The following EEF1B2 variants were observed in gnomAD, a reference collection of about 807,000 sequenced individuals.
The protein encoded by EEF1B2 is eukaryotic translation elongation factor 1 beta 2, also known as elongation factor 1-beta.
In EEF1B2, 12 loss-of-function variants were observed where a neutral mutation model predicts 28.3. The observed-to-expected ratio is 0.42, with a 90% CI of 0.27 to 0.69. The LOEUF (loss-of-function observed/expected upper bound fraction) is 0.69, where lower values mean the gene tolerates loss of function less well. Among genes scored for constraint, EEF1B2 ranks in the 30% least tolerant of loss-of-function variants. The probability of loss-of-function intolerance (pLI) is 0.22; values close to 1 mark genes in which losing one functional copy is unlikely to be tolerated. For missense variants in EEF1B2, 234 were observed against 272.6 expected, an observed-to-expected ratio of 0.86 and a Z score of 1.00; for synonymous variants, 83 against 99.9, an observed-to-expected ratio of 0.83 and a Z score of 1.01.
At chr2:206,161,992 A>G (rs1576016555) in intron 3 of EEF1B2, 46 bp from the exon 4 acceptor site, 1 of 1,551,754 alleles carries the variant, frequency 6.4e-7, no homozygotes, top group Non-Finnish European at 8.9e-7. Context: ...CTTTAAGCAG[A>G]GGAACAACCA....
At chr2:206,162,297 G>A in intron 4 of EEF1B2, 192 bp from the exon 5 acceptor site, 1 of 1,139,796 alleles carries the variant, frequency 8.8e-7, no homozygotes, top group Non-Finnish European at 1.3e-6. Context: ...GAAAGAAACT[G>A]TTAACACAAA....
intron 4 of EEF1B2, 36 bp downstream of exon 4, chr2:206,162,140 T>C (rs765247674): frequency 1.1e-4 from 173 of 1,584,610 alleles, no homozygotes; most frequent in Non-Finnish European, 1.4e-4. Flanking sequence ...TTCATGTTAA[T>C]GTAAGTAATC....
intron 2 of EEF1B2, 164 bp from the exon 3 acceptor site, chr2:206,161,182 G>A: frequency 1.2e-6 from 1 of 835,840 alleles, no homozygotes; most frequent in South Asian, 1.7e-5. Context: ...TGTCGGGTGA[G>A]GAGTTGAACA....
rs772744674 is a variant in EEF1B2, at chr2:206,162,104, A to G, written c.397A>G (p.Lys133Glu). 6.2e-7 allele frequency: 1 copy of G among 1,613,696 alleles called. No individual in the cohort carries two copies. ...LAQYESKKAK[K>E]PALVAKSSIL... ...ACAATATGAATCAAAGAAAGCCAAA[A>G]GTAGGTCATTTGTTTTTAACTTCAT... Residue 133 changes from lysine (K) to glutamate (E), a missense_variant and splice_region_variant, in exon 4 of 6, where the codon AAA (lysine) becomes GAA (glutamate). Lys to Glu is a moderately conservative substitution (Grantham distance 56, BLOSUM62 1). Around this residue, in one of 2 missense-constraint regions of EEF1B2, gnomAD observed 178 missense variants for 173.3 expected, o/e 1.03. Transcript: ENST00000392222.
chr2:206,159,870 A>C (rs1275530010), upstream of EEF1B2: 3 of 1,292,556 alleles, frequency 2.3e-6, no homozygotes, highest in Non-Finnish European at 3.2e-6. Context: ...GTCTCTATAT[A>C]AGGAATTTTC....
chr2:206,160,543 T>C (rs1188697080), intron 1 of EEF1B2, 45 bp from the exon 2 acceptor site: 16 of 1,613,312 alleles, frequency 9.9e-6, no homozygotes, highest in Non-Finnish European at 1.3e-5. Flanking sequence ...TTCGCTGGCG[T>C]TTGTTTTTCA....
In EEF1B2 at chr2:206,160,141, C is replaced by T. The variant is rs1320878365; in HGVS notation, c.80+82C>T. On this transcript the variant is annotated intron_variant, in intron 1 of 5. Transcript: ENST00000392222. Reference sequence around the variant, plus strand: ...CCACGTGGCGCAGCGTGTCGGCTGCCGCGGGAGGGAGGGAGGCCGGGCCCG... The same window carrying T: ...CCACGTGGCGCAGCGTGTCGGCTGCTGCGGGAGGGAGGGAGGCCGGGCCCG... 7 of 1,505,842 alleles carry T rather than the reference C, an allele frequency of 4.6e-6. No individual in the cohort carries two copies. In the South Asian group the frequency reaches 6.0e-5, roughly 13 times the overall value. 93.3% of individuals were successfully genotyped at this position (1,505,842 alleles called of 1,614,324 possible). A position where few individuals can be genotyped will look rare whatever the true frequency, so the allele number is the denominator to read the frequency against.
chr2:206,162,041 AGT>A lies in EEF1B2; in HGVS notation c.336_337del (p.Ser112ArgfsTer15). ...DLFGSDDEEE[S>X]EEAKRLREER... Reference sequence around the variant, plus strand: ...GATTAATTTTTTTTCTTTACAGGAAAGTGAAGAAGCAAAGAGGCTAAGGGAAG... The same window carrying A: ...GATTAATTTTTTTTCTTTACAGGAAAGAAGAAGCAAAGAGGCTAAGGGAAG... On this transcript the variant is annotated frameshift_variant, in exon 4 of 6. Coordinates refer to ENST00000392222, the MANE Select transcript of EEF1B2 (RefSeq NM_001959.4). LOFTEE classifies it high-confidence loss of function. The A allele has an allele frequency of 6.2e-7, 1 of 1,613,970 alleles. No homozygotes were observed. Among genetic ancestry groups the A allele is most frequent in the Non-Finnish European group, 8.5e-7 (1 of 1,179,852 alleles).
intron 1 of EEF1B2, 108 bp downstream of exon 1, chr2:206,160,167 G>C: frequency 7.3e-7 from 1 of 1,374,570 alleles, no homozygotes; most frequent in Non-Finnish European, 9.8e-7. Context: ...GCCGGGCCCG[G>C]GGCCCTTTCG....
upstream of EEF1B2, chr2:206,159,873 G>A: frequency 1.5e-6 from 2 of 1,330,640 alleles, no homozygotes; most frequent in East Asian, 2.4e-5. Context: ...TCTATATAAG[G>A]AATTTTCCGG....
chr2:206,159,666 A>G (rs1687838827), upstream of EEF1B2: 2 of 251,986 alleles, frequency 7.9e-6, no homozygotes, highest in African/African-American at 4.5e-5. Context: ...GGTTCCCGTC[A>G]TCTTCGGGAG....
At position 206,162,024 on chromosome 2, in the gene EEF1B2, T is replaced by A; in HGVS notation, c.331-14T>A. ...ACCAGCTTTCTGAAGTGGATTAATT[T>A]TTTTTCTTTACAGGAAAGTGAAGAA... On this transcript the variant is annotated splice_polypyrimidine_tract_variant and intron_variant, in intron 3 of 5. Transcript: ENST00000392222. The A allele has an allele frequency of 6.2e-7, 1 of 1,613,380 alleles. No individual in the cohort carries two copies. The highest frequency in any genetic ancestry group is 8.5e-7 in the Non-Finnish European group (1 of 1,179,432).
At chr2:206,162,290 A>G (rs762922135) in intron 4 of EEF1B2, 186 bp downstream of exon 4, 15 of 1,124,316 alleles carry the variant, frequency 1.3e-5, no homozygotes, top group Admixed American at 6.7e-5. Flanking sequence ...TCTGTGGGAA[A>G]GAAACTGTTA....
chr2:206,160,510 A>G, intron 1 of EEF1B2, 78 bp from the exon 2 acceptor site: 1 of 1,607,134 alleles, frequency 6.2e-7, no homozygotes, highest in South Asian at 1.1e-5. Context: ...AATTAATGTG[A>G]TGCATACGGT....
chr2:206,161,843 C>A, intron 3 of EEF1B2, 195 bp from the exon 4 acceptor site: 1 of 745,980 alleles, frequency 1.3e-6, no homozygotes, highest in Non-Finnish European at 2.5e-6. Context: ...GATTTGAATC[C>A]TGGCTTTAAT....
intron 4 of EEF1B2, 46 bp downstream of exon 4, chr2:206,162,150 CT>C (rs1687953365): frequency 6.4e-7 from 1 of 1,571,506 alleles, no homozygotes; most frequent in Non-Finnish European, 8.8e-7. Context: ...TGTAAGTAAT[CT>C]TTTTCAAAGC....
chr2:206,161,030 G>C, intron 2 of EEF1B2: 1 of 623,372 alleles, frequency 1.6e-6, no homozygotes, highest in Non-Finnish European at 2.9e-6. Flanking sequence ...CTGCCAACAA[G>C]GGTGGAAGTT....
chr2:206,159,645 C>G (rs903515167), upstream of EEF1B2: 110 of 245,022 alleles, frequency 4.5e-4, no homozygotes, highest in Non-Finnish European at 3.7e-4. Flanking sequence ...ATCTCCGGCG[C>G]TTCTAGGGCT....
chr2:206,160,556 GGT>G (rs1369984751), intron 1 of EEF1B2, 30 bp from the exon 2 acceptor site: 3 of 1,613,266 alleles, frequency 1.9e-6, no homozygotes, highest in East Asian at 2.2e-5. Flanking sequence ...GTTTTTCAAA[GGT>G]GTGTGTGAAT....
Sources: gnomAD v4.1 joint callset for allele counts on GRCh38, gnomAD v4.1.1 for gene constraint, gnomAD v4.1.1 regional missense constraint, MANE v1.5 for transcripts, NCBI Gene and HGNC (gene_info 2026-07-23, HGNC 2026-07-21) for gene names.